Variants in ACAP2 observed in about 807,000 individuals in gnomAD.
The protein encoded by ACAP2 is arf-GAP with coiled-coil, ANK repeat and PH domain-containing protein 2.
ACAP2 carries 39 observed loss-of-function variants against 115.8 expected under a neutral mutation model. The ratio of observed to expected loss-of-function variants is 0.34; its 90% CI spans 0.26 to 0.44. ACAP2 has a LOEUF of 0.44. Among genes scored for constraint, ACAP2 ranks in the 20% least tolerant of loss-of-function variants. The pLI is 1.00. For synonymous variants in ACAP2, 289 were observed against 315.8 expected (o/e 0.92, Z 0.90); for missense variants, 662 against 927.6 (o/e 0.71, Z 3.72).
chr3:195,372,794 C>T (rs189714508), intron 4 of ACAP2, among the ~76,000 whole-genome samples: 12 of 151,904 alleles, frequency 7.9e-5, no homozygotes, highest in Admixed American at 2.0e-4. Context: ...AGCCTTAGTG[C>T]CAGAGCAAAA....
At chr3:195,302,223 T>C in intron 13 of ACAP2, 49 bp from the exon 14 acceptor site, 3 of 1,500,354 alleles carry the variant, frequency 2.0e-6, no homozygotes, top group Non-Finnish European at 2.7e-6. Context: ...AAGATTGAAA[T>C]ACTTTGTTGC....
chr3:195,293,798 A>G (rs1466238832), intron 18 of ACAP2, among the ~76,000 whole-genome samples: 1 of 152,026 alleles, frequency 6.6e-6, no homozygotes, highest in Non-Finnish European at 1.5e-5. Flanking sequence ...AGATCATGCC[A>G]TTGCACTCCA....
At chr3:195,415,151 G>GT (rs1401124385) in intron 1 of ACAP2, among the ~76,000 whole-genome samples, 2 of 152,154 alleles carry the variant, frequency 1.3e-5, no homozygotes, top group Non-Finnish European at 2.9e-5. Context: ...CTCAATGCTT[G>GT]TAACAAATGT....
rs556186740 is a variant in ACAP2, at chr3:195,325,359, G to GA, written c.744+1525dup. The GA allele has an allele frequency of 8.0e-4, 329 of 410,318 alleles. 2 individuals are homozygous for GA. Among genetic ancestry groups the GA allele is most frequent in the Non-Finnish European group, 1.2e-3 (260 of 214,404 alleles). The allele number at this position is 410,318 out of a possible 1,614,324, so 25.4% of individuals were successfully genotyped here. On this transcript the variant is annotated intron_variant, in intron 9 of 22. Transcript: ENST00000326793. ...CTCCAATTGATCAATTTAAATTTTT[G>GA]AAAAAATCTACATAACTACAGGAGA...
intron 21 of ACAP2, 99 bp downstream of exon 21, chr3:195,289,022 T>C (rs1727056583): frequency 1.2e-6 from 1 of 815,074 alleles, no homozygotes; most frequent in African/African-American, 1.7e-5. Flanking sequence ...TATGTGGATG[T>C]TGGTATCCAC....
At chr3:195,389,288 A>G (rs1437666364) in intron 2 of ACAP2, among the ~76,000 whole-genome samples, 2 of 152,138 alleles carry the variant, frequency 1.3e-5, no homozygotes, top group Non-Finnish European at 2.9e-5. Flanking sequence ...CCCTACCCCA[A>G]GTGAATAATA....
intron 13 of ACAP2, among the ~76,000 whole-genome samples, chr3:195,304,274 A>G (rs887491671): frequency 6.6e-6 from 1 of 152,046 alleles, no homozygotes; most frequent in African/African-American, 2.4e-5. Context: ...GATAATGGGA[A>G]TTAGCAATTA....
chr3:195,372,902 A>T (rs4677834), intron 4 of ACAP2, among the ~76,000 whole-genome samples: 1 of 149,634 alleles, frequency 6.7e-6, no homozygotes, highest in Non-Finnish European at 1.5e-5. Flanking sequence ...AATAATAAAC[A>T]GCATGAACCC....
chr3:195,311,246 G>A (rs1054595329), intron 10 of ACAP2, among the ~76,000 whole-genome samples: 3 of 151,642 alleles, frequency 2.0e-5, no homozygotes, highest in East Asian at 1.9e-4. Flanking sequence ...ACAGACACAC[G>A]CCACCACACC....
intron 1 of ACAP2, among the ~76,000 whole-genome samples, chr3:195,431,471 T>C (rs926344357): frequency 3.3e-5 from 5 of 152,108 alleles, no homozygotes; most frequent in Admixed American, 6.6e-5. Context: ...AGAGTCTCGC[T>C]CTGTCACCCA....
At chr3:195,398,399 C>T (rs1258814316) in intron 1 of ACAP2, among the ~76,000 whole-genome samples, 1 of 152,016 alleles carries the variant, frequency 6.6e-6, no homozygotes, top group Non-Finnish European at 1.5e-5. Flanking sequence ...AATCCCAGCA[C>T]TTTGGGAGGC....
intron 8 of ACAP2, among the ~76,000 whole-genome samples, chr3:195,330,953 CA>C (rs1453816600): frequency 6.6e-6 from 1 of 152,148 alleles, no homozygotes; most frequent in Non-Finnish European, 1.5e-5. Context: ...GAGGTAGAAT[CA>C]AAAAACATAA....
chr3:195,349,697 A>T (rs1043247058), intron 4 of ACAP2: 3 of 172,170 alleles, frequency 1.7e-5, no homozygotes, highest in Non-Finnish European at 3.7e-5. Context: ...AAGAAGAAAC[A>T]TCCTGCCATC....
At chr3:195,313,656 T>C (rs1728902294) in intron 10 of ACAP2, among the ~76,000 whole-genome samples, 1 of 152,182 alleles carries the variant, frequency 6.6e-6, no homozygotes, top group Non-Finnish European at 1.5e-5. Flanking sequence ...ACAGAACATT[T>C]TGCTTTAAAA....
intron 1 of ACAP2, among the ~76,000 whole-genome samples, chr3:195,395,136 A>T (rs1026951057): frequency 6.9e-6 from 1 of 144,672 alleles, no homozygotes; most frequent in African/African-American, 2.9e-5. Context: ...TAAATGATAG[A>T]TATTAATTCT....
chr3:195,301,654 A>G lies in ACAP2; in HGVS notation c.1326-10T>C. 2 of 1,610,350 alleles carry G rather than the reference A, an allele frequency of 1.2e-6. No homozygotes were observed. The highest frequency in any genetic ancestry group is 1.7e-6 in the Non-Finnish European group (2 of 1,178,546). On this transcript the variant is annotated splice_polypyrimidine_tract_variant and intron_variant, in intron 14 of 22. Transcript: ENST00000326793. ...ATGAACCCCAAGGCTCCTAAGTGGAAAAAAGAAGACTGCATTACTATCAAG... is the reference window on the plus strand; with the variant it reads ...ATGAACCCCAAGGCTCCTAAGTGGAGAAAAGAAGACTGCATTACTATCAAG...
At chr3:195,412,865 T>C in intron 1 of ACAP2, 1 of 456,482 alleles carries the variant, frequency 2.2e-6, no homozygotes, top group South Asian at 1.5e-5. Context: ...CGCACTGTAC[T>C]AGAGACTTAG....
At chr3:195,298,188 C>T (rs1359801918) in intron 15 of ACAP2, among the ~76,000 whole-genome samples, 6 of 150,932 alleles carry the variant, frequency 4.0e-5, no homozygotes, top group Admixed American at 4.0e-4. Context: ...CTGGACCCAA[C>T]AACAGGAGTG....
At position 195,304,364 on chromosome 3, in the gene ACAP2, T is replaced by TGCAC. The variant is rs1392196571; in HGVS notation, c.1116+2143_1116+2146dup. 2.0e-5 allele frequency among the ~76,000 whole-genome samples: 3 copies of TGCAC among 152,314 alleles called. No individual in the cohort carries two copies. In the East Asian group the frequency reaches 5.8e-4, roughly 29 times the overall value. On this transcript the variant is annotated intron_variant, in intron 13 of 22. Coordinates refer to ENST00000326793, the MANE Select transcript of ACAP2 (RefSeq NM_012287.6). ...AGTTTTCTCTATATGCTAATGTTTT[T>TGCAC]GCACCAAATTAGAGAACTAAGTACA... is the stretch of plus-strand genomic sequence containing the variant.
Sources: gnomAD v4.1 joint callset for allele counts (sites outside exome capture counted in the v4.1 genomes callset) on GRCh38, gnomAD v4.1.1 for gene constraint, MANE v1.5 for transcripts, NCBI Gene and HGNC (gene_info 2026-07-23, HGNC 2026-07-21) for gene names.